The following USO1 variants were observed in gnomAD, a reference collection of about 807,000 sequenced individuals.
USO1 encodes the protein USO1 vesicle transport factor, also known as general vesicular transport factor p115.
USO1 carries 57 observed loss-of-function variants against 124.5 expected under a neutral mutation model. The ratio of observed to expected loss-of-function variants is 0.46; its 90% CI spans 0.37 to 0.57. The LOEUF (loss-of-function observed/expected upper bound fraction) is 0.57. USO1 is among the 20% of genes least tolerant of loss of function. The pLI, the probability that USO1 is intolerant of heterozygous loss-of-function variation, is 0.00. For synonymous variants in USO1, 369 were observed against 362.8 expected, an observed-to-expected ratio of 1.02 and a Z score of -0.19; for missense variants, 900 against 1,040.6, an observed-to-expected ratio of 0.86 and a Z score of 1.86.
chr4:75,787,020 A>G (rs372999492), intron 9 of USO1, 42 bp from the exon 10 acceptor site: 6 of 1,540,410 alleles, frequency 3.9e-6, no homozygotes, highest in East Asian at 2.4e-5. Flanking sequence ...AAGCCTTTTC[A>G]AATCTTTAAA....
chr4:75,744,216 A>AT (rs1041315078), intron 1 of USO1, among the ~76,000 whole-genome samples: 1 of 152,164 alleles, frequency 6.6e-6, no homozygotes, highest in Non-Finnish European at 1.5e-5. Flanking sequence ...TGGCCCCCCC[A>AT]TAAGTGTGGC....
chr4:75,739,797 C>T (rs1720905805), intron 1 of USO1, among the ~76,000 whole-genome samples: 1 of 152,036 alleles, frequency 6.6e-6, no homozygotes, highest in Non-Finnish European at 1.5e-5. Flanking sequence ...TCCACCTCAG[C>T]TTCCCAAAGT....
chr4:75,749,349 A>G (rs979709788), intron 1 of USO1, among the ~76,000 whole-genome samples: 1 of 152,172 alleles, frequency 6.6e-6, no homozygotes, highest in African/African-American at 2.4e-5. Flanking sequence ...TTGCATTGCC[A>G]AAATCTTAAT....
intron 13 of USO1, among the ~76,000 whole-genome samples, chr4:75,794,246 T>A (rs1030635965): frequency 2.0e-5 from 3 of 152,134 alleles, no homozygotes; most frequent in Non-Finnish European, 4.4e-5. Context: ...TGGGAGGGAG[T>A]AAAGTAGTTC....
At chr4:75,766,486 A>G (rs1721772255) in intron 4 of USO1, among the ~76,000 whole-genome samples, 1 of 152,188 alleles carries the variant, frequency 6.6e-6, no homozygotes, top group African/African-American at 2.4e-5. Context: ...AGAGAGTGCT[A>G]CTGCGTCTAG....
intron 8 of USO1, among the ~76,000 whole-genome samples, chr4:75,781,849 C>A (rs750093302): frequency 1.1e-4 from 16 of 152,154 alleles, no homozygotes; most frequent in Non-Finnish European, 2.1e-4. Context: ...CTTGTCGTTA[C>A]GTACAGCATC....
At chr4:75,756,654 G>A (rs1253418484) in intron 3 of USO1, among the ~76,000 whole-genome samples, 2 of 151,516 alleles carry the variant, frequency 1.3e-5, no homozygotes, top group East Asian at 3.9e-4. Context: ...TTACAGGCAT[G>A]CACCACCACG....
chr4:75,737,994 A>G (rs1484095346), intron 1 of USO1, among the ~76,000 whole-genome samples: 1 of 151,100 alleles, frequency 6.6e-6, no homozygotes, highest in East Asian at 2.0e-4. Context: ...CACCCAGCCA[A>G]TTTTTCACTT....
At chr4:75,736,750 A>T (rs772342765) in intron 1 of USO1, among the ~76,000 whole-genome samples, 1 of 152,188 alleles carries the variant, frequency 6.6e-6, no homozygotes, top group African/African-American at 2.4e-5. Context: ...AATAGAATCC[A>T]TGTCTTATTC....
intron 8 of USO1, among the ~76,000 whole-genome samples, chr4:75,776,910 A>G (rs1458756359): frequency 6.6e-6 from 1 of 152,184 alleles, no homozygotes. Flanking sequence ...GTAATAAAAT[A>G]AAGGTGTATA....
chr4:75,729,879 T>C (rs1227858423), intron 1 of USO1: 7 of 362,980 alleles, frequency 1.9e-5, no homozygotes, highest in Non-Finnish European at 3.7e-5. Flanking sequence ...CACAGCCATA[T>C]TTTCTTTTAA....
chr4:75,809,113 A>G, intron 21 of USO1, 62 bp downstream of exon 21: 1 of 1,500,674 alleles, frequency 6.7e-7, no homozygotes, highest in Non-Finnish European at 8.9e-7. Flanking sequence ...ATTATTTCTT[A>G]GCCACAATTA....
chr4:75,731,074 A>G (rs752672709), intron 1 of USO1, among the ~76,000 whole-genome samples: 2 of 152,206 alleles, frequency 1.3e-5, no homozygotes, highest in Non-Finnish European at 2.9e-5. Context: ...TAAATGAAGC[A>G]GTATATTACT....
chr4:75,812,526 T>A (rs1251022726), intron 23 of USO1, among the ~76,000 whole-genome samples, 151 bp downstream of exon 23: 1 of 152,256 alleles, frequency 6.6e-6, no homozygotes, highest in Non-Finnish European at 1.5e-5. Flanking sequence ...CTGTTTTCAC[T>A]GTTTTCATTG....
At chr4:75,757,822 G>T (rs750047230) in intron 4 of USO1, among the ~76,000 whole-genome samples, 1 of 151,898 alleles carries the variant, frequency 6.6e-6, no homozygotes, top group Non-Finnish European at 1.5e-5. Flanking sequence ...ATTTTTGCCC[G>T]CTTGTGTTTG....
At chr4:75,725,883 G>T (rs1456364545) in intron 1 of USO1, among the ~76,000 whole-genome samples, 1 of 152,122 alleles carries the variant, frequency 6.6e-6, no homozygotes, top group Non-Finnish European at 1.5e-5. Context: ...CTTGTGCTAG[G>T]TTCTGTGCTG....
chr4:75,749,791 C>T (rs1284103643), intron 1 of USO1, among the ~76,000 whole-genome samples: 1 of 145,134 alleles, frequency 6.9e-6, no homozygotes, highest in African/African-American at 2.6e-5. Flanking sequence ...CTTGCACTGT[C>T]GCCCAGGCTG....
intron 1 of USO1, among the ~76,000 whole-genome samples, chr4:75,737,288 A>G (rs1431530662): frequency 6.6e-6 from 1 of 152,216 alleles, no homozygotes; most frequent in Non-Finnish European, 1.5e-5. Context: ...AAAATGTAAA[A>G]CACATTAGGA....
chr4:75,786,399 A>G (rs1014456361), intron 9 of USO1, among the ~76,000 whole-genome samples: 1 of 152,204 alleles, frequency 6.6e-6, no homozygotes, highest in African/African-American at 2.4e-5. Context: ...ACATATATAT[A>G]CACATAACTC....
Sources: allele counts gnomAD v4.1 joint callset (sites outside exome capture counted in the v4.1 genomes callset), GRCh38; gene constraint gnomAD v4.1.1; transcripts MANE v1.5; gene names NCBI Gene and HGNC (gene_info 2026-07-23, HGNC 2026-07-21).